Variants in DLG2 observed in about 807,000 individuals in gnomAD.
The protein encoded by DLG2 is discs large MAGUK scaffold protein 2.
Under a neutral mutation model 132.5 loss-of-function variants are expected in DLG2, and 45 were observed. That is an observed-to-expected ratio of 0.34 (90% confidence interval 0.27 to 0.44). The LOEUF (loss-of-function observed/expected upper bound fraction) is 0.44, where lower values mean the gene tolerates loss of function less well. DLG2 is among the 20% of genes least tolerant of loss of function. The probability of loss-of-function intolerance (pLI) is 1.00; values close to 1 mark genes in which losing one functional copy is unlikely to be tolerated. For synonymous variants in DLG2, 424 were observed against 419.6 expected (o/e 1.01, Z -0.13); for missense variants, 1,045 against 1,196.9 (o/e 0.87, Z 1.87).
chr11:83,641,441 G>A (rs1454480134), intron 18 of DLG2, among the ~76,000 whole-genome samples: 7 of 152,138 alleles, frequency 4.6e-5, no homozygotes, highest in Admixed American at 4.6e-4. Flanking sequence ...TTAGACGGTT[G>A]CCATTTCATC....
At chr11:84,299,307 G>C (rs547091777) in intron 7 of DLG2, among the ~76,000 whole-genome samples, 4 of 152,178 alleles carry the variant, frequency 2.6e-5, no homozygotes, top group African/African-American at 9.6e-5. Context: ...GATAAATTTG[G>C]CAGCAATATT....
At chr11:83,495,747 AG>A (rs1330650198) in intron 21 of DLG2, among the ~76,000 whole-genome samples, 3 of 152,160 alleles carry the variant, frequency 2.0e-5, no homozygotes, top group Non-Finnish European at 2.9e-5. Context: ...GATGTCCCAT[AG>A]CTAAAACTGC....
chr11:84,950,297 C>A lies in DLG2; in HGVS notation c.357+161364G>T, dbSNP rs189703106. 2.0e-3 allele frequency among the ~76,000 whole-genome samples: 312 copies of A among 152,216 alleles called. 2 individuals carry two copies. Among genetic ancestry groups the A allele is most frequent in the Non-Finnish European group, 4.0e-3 (275 of 68,004 alleles). The stretch of plus-strand genomic sequence containing the variant: ...TATGAGAAGATTAATAAAAAAAAAT[C>A]TATGGCTGTCTGTGGGTGTTATCTA... On this transcript the variant is annotated intron_variant, in intron 6 of 27. Coordinates refer to ENST00000376104, the MANE Select transcript of DLG2 (RefSeq NM_001142699.3).
chr11:84,108,792 G>A (rs924761498), intron 9 of DLG2, among the ~76,000 whole-genome samples: 226 of 13,446 alleles, frequency 0.017, no homozygotes, highest in African/African-American at 0.022. Context: ...AGAACAGAGA[G>A]GCAAGTTGCT....
chr11:83,883,228 G>C (rs1038517964), intron 15 of DLG2, among the ~76,000 whole-genome samples: 1 of 151,952 alleles, frequency 6.6e-6, no homozygotes, highest in South Asian at 2.1e-4. Context: ...ATTTTTTCTG[G>C]AATTTTCAAC....
At chr11:84,886,299 G>A (rs1375149898) in intron 6 of DLG2, among the ~76,000 whole-genome samples, 2 of 152,088 alleles carry the variant, frequency 1.3e-5, no homozygotes, top group East Asian at 3.9e-4. Flanking sequence ...TTGGGGAGCA[G>A]AAAAGACATA....
At chr11:84,712,384 T>C (rs1281226630) in intron 6 of DLG2, among the ~76,000 whole-genome samples, 2 of 152,090 alleles carry the variant, frequency 1.3e-5, no homozygotes, top group Non-Finnish European at 2.9e-5. Context: ...CAATGCAGCC[T>C]GCTTGTTTGG....
chr11:85,583,157 T>TATAC (rs2078726276), intron 3 of DLG2, among the ~76,000 whole-genome samples: 1 of 121,948 alleles, frequency 8.2e-6, no homozygotes, highest in East Asian at 2.2e-4. Flanking sequence ...TATATATATA[T>TATAC]ATATATATAT....
chr11:84,723,158 AT>A (rs1192999324), intron 6 of DLG2, among the ~76,000 whole-genome samples: 1 of 152,122 alleles, frequency 6.6e-6, no homozygotes, highest in Admixed American at 6.5e-5. Flanking sequence ...TTAGCCTATA[AT>A]TTGGATTTCA....
At chr11:83,787,340 T>TTTTTTCTTTTTTTTG (rs66699053) in intron 17 of DLG2, among the ~76,000 whole-genome samples, 1 of 102,756 alleles carries the variant, frequency 9.7e-6, no homozygotes, top group Non-Finnish European at 1.8e-5. Context: ...TTTTTTTTTT[T>TTTTTTCTTTTTTTTG]AGACAGAGTC....
chr11:84,191,573 G>C (rs939481978), intron 8 of DLG2, among the ~76,000 whole-genome samples: 2 of 152,136 alleles, frequency 1.3e-5, no homozygotes, highest in African/African-American at 4.8e-5. Flanking sequence ...GAAAAGCCTG[G>C]TTTGCAAATG....
chr11:83,760,888 T>C (rs962336154), intron 18 of DLG2, among the ~76,000 whole-genome samples: 4 of 152,204 alleles, frequency 2.6e-5, no homozygotes, highest in Non-Finnish European at 5.9e-5. Flanking sequence ...AAGTACATCA[T>C]GGGTTGTCTC....
intron 4 of DLG2, among the ~76,000 whole-genome samples, chr11:85,158,673 G>C (rs1393915268): frequency 6.6e-6 from 1 of 152,134 alleles, no homozygotes; most frequent in Non-Finnish European, 1.5e-5. Flanking sequence ...TCCCGAGGTG[G>C]CAGGGGCCAA....
intron 6 of DLG2, among the ~76,000 whole-genome samples, chr11:84,714,594 TTTCTTTCTCTTTCTCTTTCTCTTTCTC>T (rs2060895350): frequency 1.8e-5 from 2 of 113,804 alleles, no homozygotes; most frequent in South Asian, 3.2e-4. Context: ...TCTCTTTCTC[TTTCTTTCTCTTTCTCTTTCTCTTTCTC>T]TTTCTCTCTC....
At chr11:83,729,855 A>C (rs1409219009) in intron 18 of DLG2, among the ~76,000 whole-genome samples, 1 of 152,202 alleles carries the variant, frequency 6.6e-6, no homozygotes, top group Non-Finnish European at 1.5e-5. Flanking sequence ...AAATGAACAT[A>C]TGACCATTAA....
intron 17 of DLG2, among the ~76,000 whole-genome samples, chr11:83,798,053 T>A (rs1594582437): frequency 6.6e-6 from 1 of 152,148 alleles, no homozygotes; most frequent in East Asian, 1.9e-4. Context: ...GACTCTGAGG[T>A]TGGATGGACC....
At chr11:83,740,031 G>C (rs951840691) in intron 18 of DLG2, among the ~76,000 whole-genome samples, 1 of 152,146 alleles carries the variant, frequency 6.6e-6, no homozygotes, top group Non-Finnish European at 1.5e-5. Context: ...TTTTAGTACA[G>C]AGCACAAAGA....
chr11:84,334,685 T>C (rs1016151175), intron 7 of DLG2, among the ~76,000 whole-genome samples: 1 of 152,214 alleles, frequency 6.6e-6, no homozygotes, highest in African/African-American at 2.4e-5. Flanking sequence ...GTTTACAGCA[T>C]TGTATCAGCT....
intron 7 of DLG2, among the ~76,000 whole-genome samples, chr11:84,500,349 GAAA>G (rs147115246): frequency 2.6e-5 from 3 of 114,480 alleles, no homozygotes; most frequent in Non-Finnish European, 5.5e-5. Flanking sequence ...TTGGTTGCAA[GAAA>G]AAAAAAAAAA....
Sources: allele counts gnomAD v4.1 joint callset (sites outside exome capture counted in the v4.1 genomes callset), GRCh38; gene constraint gnomAD v4.1.1; transcripts MANE v1.5; gene names NCBI Gene and HGNC (gene_info 2026-07-23, HGNC 2026-07-21).